The following TNIP3 variants were observed in gnomAD, a reference collection of about 807,000 sequenced individuals.
TNIP3 encodes the protein TNFAIP3 interacting protein 3.
TNIP3 carries 34 observed loss-of-function variants against 54.1 expected under a neutral mutation model. The ratio of observed to expected loss-of-function variants is 0.63; its 90% CI spans 0.48 to 0.84. TNIP3 has a LOEUF of 0.84. Ranked by LOEUF, TNIP3 falls within the 40% of genes least tolerant of loss-of-function variation. The probability of loss-of-function intolerance (pLI) is 0.00; values close to 1 mark genes in which losing one functional copy is unlikely to be tolerated. For missense variants in TNIP3, 366 were observed against 387.6 expected (o/e 0.94, Z 0.47); for synonymous variants, 134 against 136.8 (o/e 0.98, Z 0.14).
chr4:121,164,727 T>C (rs1040783420), upstream of TNIP3, among the ~76,000 whole-genome samples: 1 of 152,202 alleles, frequency 6.6e-6, no homozygotes, highest in African/African-American at 2.4e-5. Flanking sequence ...CTAATTCTTA[T>C]AGAAATAAAA....
At chr4:121,162,737 A>G (rs766474961) in intron 1 of TNIP3, among the ~76,000 whole-genome samples, 23 of 152,216 alleles carry the variant, frequency 1.5e-4, no homozygotes, top group Non-Finnish European at 2.9e-4. Flanking sequence ...CATCCTGAAC[A>G]ATGGATCAGA....
chr4:121,189,724 A>T (rs1157887520), intron 2 of TNIP3, among the ~76,000 whole-genome samples: 1 of 152,228 alleles, frequency 6.6e-6, no homozygotes, highest in African/African-American at 2.4e-5. Context: ...ACCCAAGGCT[A>T]TGTAATTTAA....
At chr4:121,181,531 G>A (rs1178930223) in intron 3 of TNIP3, among the ~76,000 whole-genome samples, 2 of 152,176 alleles carry the variant, frequency 1.3e-5, no homozygotes, top group Admixed American at 1.3e-4. Context: ...ACTAAATGCA[G>A]AAAGCACACA....
chr4:121,146,989 T>C, intron 7 of TNIP3, 60 bp downstream of exon 7: 1 of 1,550,598 alleles, frequency 6.4e-7, no homozygotes, highest in Non-Finnish European at 8.7e-7. Context: ...GTCTTGAATT[T>C]TTTTAAATGA....
chr4:121,192,484 T>C (rs1056145913), intron 2 of TNIP3, among the ~76,000 whole-genome samples: 2 of 152,162 alleles, frequency 1.3e-5, no homozygotes, highest in African/African-American at 4.8e-5. Flanking sequence ...AAACAAATCA[T>C]GATCAGTTGT....
chr4:121,213,033 C>T (rs1316878530), intron 2 of TNIP3, among the ~76,000 whole-genome samples: 1 of 152,106 alleles, frequency 6.6e-6, no homozygotes, highest in East Asian at 1.9e-4. Context: ...TGTTTGGCTG[C>T]TCAATGTTGC....
chr4:121,164,489 G>C (rs1413162084), upstream of TNIP3: 1 of 361,686 alleles, frequency 2.8e-6, no homozygotes, highest in Non-Finnish European at 4.0e-6. Context: ...CCCACTGGAG[G>C]AGGAAGTTCT....
intron 2 of TNIP3, among the ~76,000 whole-genome samples, chr4:121,213,584 G>C (rs777294219): frequency 1.8e-4 from 28 of 151,770 alleles, no homozygotes; most frequent in Non-Finnish European, 3.8e-4. Context: ...AAAATTAGCC[G>C]GGCGTGGTGG....
At chr4:121,186,871 T>G (rs1725049969) in intron 2 of TNIP3, among the ~76,000 whole-genome samples, 1 of 152,226 alleles carries the variant, frequency 6.6e-6, no homozygotes, top group South Asian at 2.1e-4. Flanking sequence ...TTATGTCACC[T>G]ACTTGGGCTT....
rs551875178 is a variant in TNIP3, at chr4:121,211,320, G to T, written c.68+5095C>A. Among the ~76,000 whole-genome samples, 6 of 152,232 alleles carry T rather than the reference G, an allele frequency of 3.9e-5. No homozygotes were observed. In the South Asian group the frequency reaches 1.2e-3, roughly 32 times the overall value. On this transcript the variant is annotated intron_variant, in intron 2 of 12. Coordinates refer to the TNIP3 transcript ENST00000507879. The stretch of plus-strand genomic sequence containing the variant: ...AAATACTAAAAAGAGGAATAAAAAG[G>T]TATTCAAAACAAATCCTCAATGTAA...
rs779481377 is a variant in TNIP3 at position 121,132,613 on chromosome 4, C to G, written c.*18G>C. 2.5e-6 allele frequency: 4 copies of G among 1,612,222 alleles called. No homozygotes were observed. Among genetic ancestry groups the G allele is most frequent in the South Asian group, 2.2e-5 (2 of 90,992 alleles). On this transcript the variant is annotated 3_prime_UTR_variant, in exon 11 of 11. Transcript: ENST00000057513. ...CGCTCCCTCGTTGCCTGTTGTCTCTCTCTGTTAGTGTGTACTTCTACGGAT... is the reference window on the plus strand; with the variant it reads ...CGCTCCCTCGTTGCCTGTTGTCTCTGTCTGTTAGTGTGTACTTCTACGGAT...
At chr4:121,167,302 A>G (rs1209237448), upstream of TNIP3, among the ~76,000 whole-genome samples, 1 of 152,182 alleles carries the variant, frequency 6.6e-6, no homozygotes, top group Non-Finnish European at 1.5e-5. Flanking sequence ...CAGTAAATGA[A>G]GACCAGGAAA....
At chr4:121,153,628 C>T (rs552070085) in intron 5 of TNIP3, among the ~76,000 whole-genome samples, 1 of 152,222 alleles carries the variant, frequency 6.6e-6, no homozygotes, top group Non-Finnish European at 1.5e-5. Context: ...GTCCCACACA[C>T]AGATCTACTA....
At chr4:121,141,650 A>T (rs866547163) in intron 9 of TNIP3, among the ~76,000 whole-genome samples, 166 bp downstream of exon 9, 1 of 152,220 alleles carries the variant, frequency 6.6e-6, no homozygotes, top group Non-Finnish European at 1.5e-5. Context: ...TCAGTGTCCC[A>T]AAGATAATTC....
intron 2 of TNIP3, among the ~76,000 whole-genome samples, chr4:121,191,850 AC>A (rs970128469): frequency 2.6e-5 from 4 of 152,304 alleles, no homozygotes; most frequent in East Asian, 3.9e-4. Flanking sequence ...ATTTGAAAGG[AC>A]CTTTTTCTTT....
chr4:121,147,237 T>G, intron 6 of TNIP3, 63 bp from the exon 7 acceptor site: 1 of 1,547,832 alleles, frequency 6.5e-7, no homozygotes. Context: ...TTAAATGACT[T>G]TATTTTAAAT....
intron 1 of TNIP3, among the ~76,000 whole-genome samples, chr4:121,162,178 C>T (rs1730493998): frequency 6.6e-6 from 1 of 152,160 alleles, no homozygotes; most frequent in Non-Finnish European, 1.5e-5. Flanking sequence ...GGAAATTGTT[C>T]TTTGCAATCA....
At chr4:121,188,360 C>T (rs1384567790) in intron 2 of TNIP3, among the ~76,000 whole-genome samples, 4 of 151,594 alleles carry the variant, frequency 2.6e-5, no homozygotes, top group Non-Finnish European at 5.9e-5. Context: ...CTGTTTTTCC[C>T]AGACTAACAT....
intron 1 of TNIP3, among the ~76,000 whole-genome samples, chr4:121,227,029 T>A (rs568268939): frequency 2.0e-5 from 3 of 152,322 alleles, no homozygotes; most frequent in East Asian, 3.9e-4. Flanking sequence ...TTAGTTATTA[T>A]TTATAGGATT....
Sources: gnomAD v4.1 joint callset for allele counts (sites outside exome capture counted in the v4.1 genomes callset) on GRCh38, gnomAD v4.1.1 for gene constraint, MANE v1.5 for transcripts, NCBI Gene and HGNC (gene_info 2026-07-23, HGNC 2026-07-21) for gene names.